The following PDGFRL variants were observed in gnomAD, a reference collection of about 807,000 sequenced individuals.
PDGFRL encodes platelet-derived growth factor receptor-like protein.
Under a neutral mutation model 37.2 loss-of-function variants are expected in PDGFRL, and 46 were observed. The observed-to-expected ratio is 1.24, with a 90% CI of 0.98 to 1.58. PDGFRL has a LOEUF of 1.58. Among genes scored for constraint, PDGFRL ranks in the 40% most tolerant of loss-of-function variants. The probability of loss-of-function intolerance (pLI) is 0.00; values close to 1 mark genes in which losing one functional copy is unlikely to be tolerated. For missense variants in PDGFRL, 692 were observed against 467.6 expected, an observed-to-expected ratio of 1.48 and a Z score of -4.43; for synonymous variants, 251 against 184.3, an observed-to-expected ratio of 1.36 and a Z score of -2.93.
intron 3 of PDGFRL, among the ~76,000 whole-genome samples, chr8:17,621,537 C>G (rs2129768221): frequency 6.6e-6 from 1 of 152,158 alleles, no homozygotes; most frequent in South Asian, 2.1e-4. Flanking sequence ...TCCCTGCACT[C>G]CCCAATACGG....
At chr8:17,604,739 A>G (rs892972585) in intron 2 of PDGFRL, among the ~76,000 whole-genome samples, 1 of 152,220 alleles carries the variant, frequency 6.6e-6, no homozygotes, top group East Asian at 1.9e-4. Flanking sequence ...GTATAATAAT[A>G]ATAAAATTTA....
chr8:17,584,789 A>G (rs1803780964), intron 1 of PDGFRL, among the ~76,000 whole-genome samples: 1 of 151,982 alleles, frequency 6.6e-6, no homozygotes, highest in Non-Finnish European at 1.5e-5. Flanking sequence ...CCAGACCGCA[A>G]GAAAAAGTTC....
intron 2 of PDGFRL, among the ~76,000 whole-genome samples, chr8:17,605,154 A>C (rs1804246335): frequency 6.6e-6 from 1 of 152,168 alleles, no homozygotes; most frequent in Admixed American, 6.5e-5. Context: ...AGACAGGGAG[A>C]GGGAAGGAAG....
chr8:17,636,966 T>C lies in PDGFRL; in HGVS notation c.939+2753T>C, dbSNP rs530560384. Among the ~76,000 whole-genome samples the C allele has an allele frequency of 2.3e-4, 35 of 152,342 alleles. No individual in the cohort carries two copies. The South Asian group carries it at 7.3e-3, about 32-fold the overall frequency. ...TACTGATTTGTTTACATTAATTTTG[T>C]ATCCTGAAACTTTGCTAAATTCATC... On this transcript the variant is annotated intron_variant, in intron 5 of 5. Coordinates refer to ENST00000251630, the MANE Select transcript of PDGFRL (RefSeq NM_001372073.1).
intron 1 of PDGFRL, among the ~76,000 whole-genome samples, chr8:17,584,023 G>A (rs1803764341): frequency 6.6e-6 from 1 of 152,174 alleles, no homozygotes; most frequent in Admixed American, 6.5e-5. Flanking sequence ...GGAAGCCAGG[G>A]GCTGCTTAGG....
chr8:17,624,857 G>T lies in PDGFRL; in HGVS notation c.506-3630G>T, dbSNP rs115463525. ...CAGGAGGCAGCGAGTCAAAGTTGCA[G>T]TGAGCCGAGATGGCACCACTGCATT... On this transcript the variant is annotated intron_variant, in intron 3 of 5. Coordinates refer to ENST00000251630, the MANE Select transcript of PDGFRL (RefSeq NM_001372073.1). Among the ~76,000 whole-genome samples the T allele has an allele frequency of 8.0e-3, 1,226 of 152,330 alleles. 20 individuals are homozygous for T. Among genetic ancestry groups the T allele is most frequent in the African/African-American group, 0.028 (1,169 of 41,584 alleles).
At chr8:17,641,901 G>GCCCCCCCCCACCCC (rs1554556556) in intron 5 of PDGFRL, among the ~76,000 whole-genome samples, 1 of 116,234 alleles carries the variant, frequency 8.6e-6, no homozygotes, top group Non-Finnish European at 1.7e-5. Context: ...AGAGGTCCCC[G>GCCCCCCCCCACCCC]CCACATTGCT....
intron 2 of PDGFRL, among the ~76,000 whole-genome samples, chr8:17,595,124 C>T (rs1410316552): frequency 1.3e-5 from 2 of 152,130 alleles, no homozygotes; most frequent in Non-Finnish European, 2.9e-5. Context: ...GGTCTTGGGC[C>T]AGCTCTGGAT....
intron 5 of PDGFRL, among the ~76,000 whole-genome samples, chr8:17,637,658 G>A (rs1804999581): frequency 1.3e-5 from 2 of 152,110 alleles, no homozygotes; most frequent in Admixed American, 1.3e-4. Context: ...CCAGTTCTTA[G>A]AATGTCTGAT....
rs760653700 is a variant in PDGFRL at position 17,589,585 on chromosome 8, C to A, written c.173C>A (p.Ala58Asp). Residue 58 changes from alanine (A) to aspartate (D), a missense_variant, in exon 2 of 6, where the codon GCC becomes GAC. Ala to Asp is a moderately radical substitution (Grantham distance 126, BLOSUM62 -2). Transcript: ENST00000251630. ...CCTAAAATGAAGGACAGGGACTCAGCCAATTCAGCACCAAAGACGCAGTCT... is the reference window on the plus strand; with the variant it reads ...CCTAAAATGAAGGACAGGGACTCAGACAATTCAGCACCAAAGACGCAGTCT... ...KIPKMKDRDS[A>D]NSAPKTQSIM... 5.6e-6 allele frequency: 9 copies of A among 1,613,610 alleles called. No homozygotes were observed. The East Asian group carries it at 2.0e-4, about 36-fold the overall frequency.
At position 17,594,626 on chromosome 8, in the gene PDGFRL, C is replaced by A. The variant is rs531824091; in HGVS notation, c.353+4861C>A. Reference sequence around the variant, plus strand: ...CTGGAGTGCAGTGGTGCGATCTCAGCTCACGGCAACCTCCGCCTCCCGGGT... The same window carrying A: ...CTGGAGTGCAGTGGTGCGATCTCAGATCACGGCAACCTCCGCCTCCCGGGT... On this transcript the variant is annotated intron_variant, in intron 2 of 5. Transcript: ENST00000251630. Among the ~76,000 whole-genome samples the A allele has an allele frequency of 1.2e-3, 188 of 152,154 alleles. 1 individual carries two copies. The highest frequency in any genetic ancestry group is 4.0e-3 in the African/African-American group (166 of 41,486).
rs1804795040 is a variant in PDGFRL at position 17,628,809 on chromosome 8, T to C, written c.799+29T>C. On this transcript the variant is annotated intron_variant, in intron 4 of 5. Coordinates refer to ENST00000251630, the MANE Select transcript of PDGFRL (RefSeq NM_001372073.1). ...AGCCTGGCCACCCCTGCCTAGATTC[T>C]AGTTAGTCCCCTGGTCAGTTTCAGG... The C allele has an allele frequency of 2.6e-6, 4 of 1,537,120 alleles. No individual in the cohort carries two copies. The Admixed American group carries it at 5.0e-5, about 19-fold the overall frequency.
At chr8:17,583,922 C>A (rs1803761944) in intron 1 of PDGFRL, among the ~76,000 whole-genome samples, 1 of 152,190 alleles carries the variant, frequency 6.6e-6, no homozygotes, top group Non-Finnish European at 1.5e-5. Context: ...GCCAGCAGAA[C>A]TGTGAGCTGA....
At position 17,625,430 on chromosome 8, in the gene PDGFRL, G is replaced by A. The variant is rs1039469071; in HGVS notation, c.506-3057G>A. 1.3e-4 allele frequency among the ~76,000 whole-genome samples: 19 copies of A among 149,022 alleles called. No individual in the cohort carries two copies. The Middle Eastern group carries it at 0.014, about 111-fold the overall frequency. Reference sequence around the variant, plus strand: ...CTCCCAAAGTGCCGGGATTACAGGCGTGAGCCACTGCACCTGGTCGAGTTT... The same window carrying A: ...CTCCCAAAGTGCCGGGATTACAGGCATGAGCCACTGCACCTGGTCGAGTTT... On this transcript the variant is annotated intron_variant, in intron 3 of 5. Transcript: ENST00000251630.
At chr8:17,618,199 C>A (rs888702531) in intron 2 of PDGFRL, among the ~76,000 whole-genome samples, 2 of 152,150 alleles carry the variant, frequency 1.3e-5, no homozygotes, top group Non-Finnish European at 2.9e-5. Context: ...GCTAGGACTA[C>A]ATGCACACTA....
chr8:17,577,096 A>AAAAAAAAAAT, upstream of PDGFRL: 1 of 936,916 alleles, frequency 1.1e-6, no homozygotes, highest in Non-Finnish European at 1.5e-6. Flanking sequence ...AAAAAAAAAA[A>AAAAAAAAAAT]TTCCCCAACT....
chr8:17,638,753 ATATATATATATATATATATATAT>A (rs1805027129), intron 5 of PDGFRL, among the ~76,000 whole-genome samples: 1 of 58,742 alleles, frequency 1.7e-5, no homozygotes, highest in Non-Finnish European at 3.3e-5. Context: ...ATATATATAT[ATATATATATATATATATATATAT>A]ATATATATAT....
chr8:17,642,638 A>G lies in PDGFRL; in HGVS notation c.965A>G (p.Asp322Gly), dbSNP rs1805163683. ...GATGAAAGGCCTGTGACGATCCAAGACACTTGGAGGTTGATCCACAGAGGA... is the reference window on the plus strand; with the variant it reads ...GATGAAAGGCCTGTGACGATCCAAGGCACTTGGAGGTTGATCCACAGAGGA... ...QKDERPVTIQ[D>G]TWRLIHRGLG... Residue 322 changes from aspartate to glycine, a missense_variant, in exon 6 of 6, where the codon GAC (aspartate) becomes GGC (glycine). Physicochemically the swap from Asp to Gly is moderately conservative, Grantham distance 94. Coordinates refer to ENST00000251630, the MANE Select transcript of PDGFRL (RefSeq NM_001372073.1). 1 of 1,609,260 alleles carries G rather than the reference A, an allele frequency of 6.2e-7. No homozygotes were observed. The highest frequency in any genetic ancestry group is 2.2e-5 in the East Asian group (1 of 44,850).
chr8:17,630,462 C>T (rs1030620785), intron 4 of PDGFRL, among the ~76,000 whole-genome samples: 8 of 152,134 alleles, frequency 5.3e-5, no homozygotes, highest in African/African-American at 1.9e-4. Context: ...CTTTGATATC[C>T]AACAGGCTTG....
Sources: gnomAD v4.1 joint callset for allele counts (sites outside exome capture counted in the v4.1 genomes callset) on GRCh38, gnomAD v4.1.1 for gene constraint, MANE v1.5 for transcripts, NCBI Gene and HGNC (gene_info 2026-07-23, HGNC 2026-07-21) for gene names.